Variants in LIPC observed in about 807,000 individuals in gnomAD.
LIPC encodes hepatic triacylglycerol lipase.
A neutral mutation model predicts 50.7 loss-of-function variants in LIPC; 44 were observed. The observed-to-expected ratio is 0.87, with a 90% CI of 0.68 to 1.11. The LOEUF is 1.11. Among genes scored for constraint, LIPC ranks in the 50% most tolerant of loss-of-function variants. The pLI is 0.00. For missense variants in LIPC, 697 were observed against 648.2 expected, an observed-to-expected ratio of 1.08 and a Z score of -0.82; for synonymous variants, 271 against 256.4, an observed-to-expected ratio of 1.06 and a Z score of -0.54.
At chr15:58,503,880 T>C (rs1892065074) in intron 1 of LIPC, among the ~76,000 whole-genome samples, 1 of 149,552 alleles carries the variant, frequency 6.7e-6, no homozygotes, top group Non-Finnish European at 1.5e-5. Context: ...GGGTGGACTT[T>C]TTATATGTAC....
At chr15:58,548,278 G>T in intron 5 of LIPC, 52 bp from the exon 6 acceptor site, 1 of 1,613,128 alleles carries the variant, frequency 6.2e-7, no homozygotes, top group South Asian at 1.1e-5. Context: ...CCTCTGAGTT[G>T]AGGCTGCTTT....
intron 1 of LIPC, among the ~76,000 whole-genome samples, chr15:58,499,625 C>T (rs545788310): frequency 6.6e-5 from 10 of 152,300 alleles, no homozygotes; most frequent in South Asian, 2.1e-4. Context: ...TCTTCCGCTC[C>T]GGTTTCTCTG....
At chr15:58,440,277 C>A (rs932839024) in intron 1 of LIPC, among the ~76,000 whole-genome samples, 3 of 152,196 alleles carry the variant, frequency 2.0e-5, no homozygotes, top group South Asian at 4.1e-4. Context: ...CAGGAAAATT[C>A]TTTTCCTATG....
At chr15:58,567,295 A>G (rs1398374938) in intron 8 of LIPC, among the ~76,000 whole-genome samples, 282 of 26,472 alleles carry the variant, frequency 0.011, 2 homozygotes, top group African/African-American at 0.027. Context: ...ATATATATAC[A>G]TATATATATA....
At chr15:58,474,503 CCT>C (rs1276679060) in intron 1 of LIPC, among the ~76,000 whole-genome samples, 1 of 126,130 alleles carries the variant, frequency 7.9e-6, no homozygotes. Flanking sequence ...AGAGCTAGAC[CCT>C]GTCTCAGGAA....
rs149198749 is a variant in LIPC at position 58,453,577 on chromosome 15, C to T, written c.88+21457C>T. 3.7e-3 allele frequency among the ~76,000 whole-genome samples: 559 copies of T among 152,208 alleles called. 6 individuals carry two copies. Among genetic ancestry groups the T allele is most frequent in the African/African-American group, 0.012 (517 of 41,546 alleles). The stretch of plus-strand genomic sequence containing the variant: ...GAGCCCTGGAGTTTGAAGAATTTGG[C>T]CCCAGTTGCTGGCAACTCTCATTAC... On this transcript the variant is annotated intron_variant, in intron 1 of 8. Coordinates refer to ENST00000299022, the MANE Select transcript of LIPC (RefSeq NM_000236.3).
intron 6 of LIPC, among the ~76,000 whole-genome samples, chr15:58,556,556 T>C (rs1893961822): frequency 6.6e-6 from 1 of 152,234 alleles, no homozygotes; most frequent in South Asian, 2.1e-4. Context: ...ACTGTTAATA[T>C]TTTTGTGAAT....
intron 1 of LIPC, among the ~76,000 whole-genome samples, chr15:58,458,125 AC>A (rs1333191770): frequency 6.6e-6 from 1 of 151,620 alleles, no homozygotes; most frequent in Admixed American, 6.6e-5. Flanking sequence ...ATACATAAGC[AC>A]CTGTTTCCGT....
At chr15:58,568,001 C>A (rs1485046165) in intron 8 of LIPC, among the ~76,000 whole-genome samples, 1 of 152,058 alleles carries the variant, frequency 6.6e-6, no homozygotes, top group East Asian at 1.9e-4. Flanking sequence ...GAAGACTTGA[C>A]CTTAGACGCA....
intron 6 of LIPC, among the ~76,000 whole-genome samples, chr15:58,557,416 G>A (rs1893993860): frequency 1.3e-5 from 1 of 79,432 alleles, no homozygotes; most frequent in South Asian, 4.2e-4. Context: ...ATGTAGTCTT[G>A]CTCTGTCACC....
rs529860942 is a variant in LIPC at position 58,541,972 on chromosome 15, C to T, written c.456+5C>T. 5.1e-5 allele frequency: 82 copies of T among 1,605,034 alleles called. 1 individual carries two copies. Among genetic ancestry groups the T allele is most frequent in the Middle Eastern group, 1.7e-4 (1 of 6,056 alleles). ...GCTCTTCTCCGGTGGCTGGAGGTACCGACCTGCCCCATCCTTCCTTCACCT... is the reference window on the plus strand; with the variant it reads ...GCTCTTCTCCGGTGGCTGGAGGTACTGACCTGCCCCATCCTTCCTTCACCT... On this transcript the variant is annotated splice_donor_5th_base_variant and intron_variant, in intron 3 of 8. Transcript: ENST00000299022.
chr15:58,568,777 T>G lies in LIPC; in HGVS notation c.1450T>G (p.Phe484Val). 2 of 1,611,894 alleles carry G rather than the reference T, an allele frequency of 1.2e-6. No homozygotes were observed. The highest frequency in any genetic ancestry group is 1.7e-6 in the Non-Finnish European group (2 of 1,178,468). Reference sequence around the variant, plus strand: ...ACTTCGCCCAACCCAGGAAAAAATCTTCGTGAAATGTGAAATAAAGTCTAA... The same window carrying G: ...ACTTCGCCCAACCCAGGAAAAAATCGTCGTGAAATGTGAAATAAAGTCTAA... ...LLLRPTQEKI[F>V]VKCEIKSKTS... The change falls in exon 9 of 9, where the codon TTC becomes GTC. Residue 484 changes from phenylalanine to valine, a missense_variant. By Grantham distance (50) the Phe-to-Val change is conservative (BLOSUM62 -1). Coordinates refer to ENST00000299022, the MANE Select transcript of LIPC (RefSeq NM_000236.3).
intron 1 of LIPC, among the ~76,000 whole-genome samples, chr15:58,476,196 C>A (rs1244081848): frequency 6.6e-6 from 1 of 152,236 alleles, no homozygotes; most frequent in African/African-American, 2.4e-5. Context: ...TCTTCCATCC[C>A]CAGTCCATCT....
chr15:58,501,982 C>T lies in LIPC; in HGVS notation c.89-36351C>T, dbSNP rs573812476. Among the ~76,000 whole-genome samples the T allele has an allele frequency of 2.0e-5, 3 of 152,242 alleles. No individual in the cohort carries two copies. The East Asian group carries it at 5.8e-4, about 29-fold the overall frequency. The stretch of plus-strand genomic sequence containing the variant: ...GTGAAATTCCAGCTCACCCACTCTC[C>T]TGGGGAGGCTAGAATTTAATGGGAT... On this transcript the variant is annotated intron_variant, in intron 1 of 8. Transcript: ENST00000299022.
chr15:58,505,440 T>C (rs1448637815), intron 1 of LIPC, among the ~76,000 whole-genome samples: 1 of 152,214 alleles, frequency 6.6e-6, no homozygotes, highest in Non-Finnish European at 1.5e-5. Context: ...ACAACAGGGC[T>C]CAACACAAAG....
At chr15:58,563,469 A>T (rs780344822) in intron 7 of LIPC, 36 bp from the exon 8 acceptor site, 19 of 1,552,920 alleles carry the variant, frequency 1.2e-5, no homozygotes, top group Non-Finnish European at 1.6e-5. Context: ...TGTTACGACT[A>T]AACTGATTGT....
intron 1 of LIPC, among the ~76,000 whole-genome samples, chr15:58,489,047 G>C (rs1444308501): frequency 2.0e-5 from 3 of 152,002 alleles, no homozygotes; most frequent in Non-Finnish European, 4.4e-5. Flanking sequence ...AAATAATTGT[G>C]GTTCTCTCTG....
At chr15:58,445,229 G>A (rs1331070094) in intron 1 of LIPC, among the ~76,000 whole-genome samples, 1 of 152,246 alleles carries the variant, frequency 6.6e-6, no homozygotes, top group Non-Finnish European at 1.5e-5. Flanking sequence ...GCTGGCTCAT[G>A]TGTGAGTGAG....
intron 1 of LIPC, among the ~76,000 whole-genome samples, chr15:58,505,499 C>T (rs1892119182): frequency 6.6e-6 from 1 of 152,164 alleles, no homozygotes; most frequent in Admixed American, 6.5e-5. Context: ...GAATGGTCTG[C>T]CAGCTTGGTA....
Sources: gnomAD v4.1 joint callset for allele counts (sites outside exome capture counted in the v4.1 genomes callset) on GRCh38, gnomAD v4.1.1 for gene constraint, MANE v1.5 for transcripts, NCBI Gene and HGNC (gene_info 2026-07-23, HGNC 2026-07-21) for gene names.